Variants in RYR3 observed in about 807,000 individuals in gnomAD.
RYR3 encodes brain ryanodine receptor-calcium release channel.
Under a neutral mutation model 584.3 loss-of-function variants are expected in RYR3, and 207 were observed. That is an observed-to-expected ratio of 0.35 (90% CI 0.32 to 0.40). The LOEUF (loss-of-function observed/expected upper bound fraction) is 0.40. Ranked by LOEUF, RYR3 falls within the 10% of genes least tolerant of loss-of-function variation. RYR3 has a pLI of 1.00. For missense variants in RYR3, 5,616 were observed against 6,089.2 expected (o/e 0.92, Z 2.59); for synonymous variants, 2,416 against 2,248.5 (o/e 1.07, Z -2.11).
chr15:33,626,257 G>A (rs1258262200), intron 20 of RYR3, among the ~76,000 whole-genome samples: 4 of 152,212 alleles, frequency 2.6e-5, no homozygotes, highest in Non-Finnish European at 4.4e-5. Flanking sequence ...TAGACAATAA[G>A]GTCCAGTCTG....
chr15:33,626,399 A>C (rs950524792), intron 20 of RYR3, among the ~76,000 whole-genome samples: 8 of 152,196 alleles, frequency 5.3e-5, no homozygotes, highest in Non-Finnish European at 1.2e-4. Flanking sequence ...TGGGGGAAGA[A>C]ATTTCTAAGC....
chr15:33,463,908 A>G (rs2676096), intron 1 of RYR3, among the ~76,000 whole-genome samples: 1 of 151,956 alleles, frequency 6.6e-6, no homozygotes, highest in East Asian at 1.9e-4. Context: ...ACAATTCCAG[A>G]TGAGACCAAA....
At chr15:33,636,626 C>T (rs186996307) in intron 27 of RYR3, 76 bp downstream of exon 27, 1 of 1,299,966 alleles carries the variant, frequency 7.7e-7, no homozygotes, top group African/African-American at 1.5e-5. Flanking sequence ...GCGACCTGCT[C>T]TACTTCCTTA....
At chr15:33,621,918 A>G (rs2060744943) in intron 19 of RYR3, among the ~76,000 whole-genome samples, 1 of 152,206 alleles carries the variant, frequency 6.6e-6, no homozygotes, top group African/African-American at 2.4e-5. Flanking sequence ...CCCACTGGAA[A>G]GTATCCTGTT....
At chr15:33,354,405 T>C (rs1329625087) in intron 1 of RYR3, among the ~76,000 whole-genome samples, 3 of 152,228 alleles carry the variant, frequency 2.0e-5, no homozygotes, top group African/African-American at 7.2e-5. Flanking sequence ...CACACACAAG[T>C]GCAAACATTT....
chr15:33,639,568 C>T (rs756515707), intron 27 of RYR3, among the ~76,000 whole-genome samples: 20 of 152,144 alleles, frequency 1.3e-4, no homozygotes, highest in African/African-American at 3.4e-4. Context: ...CCCCCCACCC[C>T]GTAAAGCAAA....
Position 33,780,222 on chromosome 15 carries a change from C to A in RYR3, c.9149C>A (p.Ala3050Asp). The change falls in exon 65 of 104, where the codon GCC becomes GAC. Residue 3050 changes from alanine to aspartate, a missense_variant. Coordinates refer to ENST00000634891, the MANE Select transcript of RYR3 (RefSeq NM_001036.6). ...KNIYVERQRPALGECLASLAA... is the reference protein window; with the variant it reads ...KNIYVERQRPDLGECLASLAA... ...TTCTTTGTTTCCAGGCAACGCCCTG[C>A]CCTTGGAGAATGTCTGGCCTCGCTG... 2 of 1,613,800 alleles carry A rather than the reference C, an allele frequency of 1.2e-6. No homozygotes were observed. Among genetic ancestry groups the A allele is most frequent in the Non-Finnish European group, 1.7e-6 (2 of 1,179,750 alleles).
Position 33,372,224 on chromosome 15 carries a change from C to T in RYR3, c.51+61128C>T, listed in dbSNP as rs373097372. The stretch of plus-strand genomic sequence containing the variant: ...GAAAGCATTTTGAGACAGGGCCTTG[C>T]TCTGTTGCCCAGGCTGGAGTGCAAT... On this transcript the variant is annotated intron_variant, in intron 1 of 103. Transcript: ENST00000634891. 3.9e-4 allele frequency among the ~76,000 whole-genome samples: 59 copies of T among 152,264 alleles called. 3 individuals are homozygous for T. In the East Asian group the frequency reaches 7.1e-3, roughly 18 times the overall value.
At chr15:33,723,128 T>A (rs2068074631) in intron 44 of RYR3, among the ~76,000 whole-genome samples, 1 of 152,220 alleles carries the variant, frequency 6.6e-6, no homozygotes, top group African/African-American at 2.4e-5. Flanking sequence ...CAGCTGGAAA[T>A]CACAAAGTGG....
chr15:33,796,240 T>C (rs1328405916), intron 67 of RYR3, among the ~76,000 whole-genome samples: 1 of 152,176 alleles, frequency 6.6e-6, no homozygotes, highest in East Asian at 1.9e-4. Context: ...GTTCAAGTGA[T>C]TCTCCTGCCT....
chr15:33,495,924 T>A lies in RYR3; in HGVS notation c.172-7707T>A, dbSNP rs182495377. On this transcript the variant is annotated intron_variant, in intron 2 of 103. Coordinates refer to ENST00000634891, the MANE Select transcript of RYR3 (RefSeq NM_001036.6). ...TTATCGATAATTGATTGGAAGTCTG[T>A]AAGTGAGCTCAGGTTTGCTGTAGGT... Among the ~76,000 whole-genome samples the A allele has an allele frequency of 2.0e-5, 3 of 152,318 alleles. No homozygotes were observed. In the East Asian group the frequency reaches 5.8e-4, roughly 29 times the overall value.
At chr15:33,794,220 T>A (rs1230629244) in intron 67 of RYR3, among the ~76,000 whole-genome samples, 2 of 68,622 alleles carry the variant, frequency 2.9e-5, no homozygotes, top group African/African-American at 8.5e-5. Flanking sequence ...ACATTATATA[T>A]AAATATATAT....
intron 67 of RYR3, among the ~76,000 whole-genome samples, chr15:33,799,470 GA>G (rs1399269444): frequency 1.3e-5 from 2 of 152,188 alleles, no homozygotes; most frequent in Admixed American, 6.5e-5. Flanking sequence ...GGGGTTTGGA[GA>G]CGTCCATGTT....
At chr15:33,823,124 T>C in intron 81 of RYR3, 52 bp downstream of exon 81, 1 of 1,510,174 alleles carries the variant, frequency 6.6e-7, no homozygotes, top group Non-Finnish European at 9.1e-7. Flanking sequence ...CCTCTAAGCA[T>C]AGGAGGCAGG....
intron 42 of RYR3, among the ~76,000 whole-genome samples, chr15:33,702,219 G>A (rs1363237358): frequency 6.6e-6 from 1 of 152,148 alleles, no homozygotes; most frequent in Non-Finnish European, 1.5e-5. Flanking sequence ...TTTATTACAG[G>A]AGGTCACCGT....
rs116611410 is a variant in RYR3, at chr15:33,647,317, G to A, written c.3942-107G>A. 783 of 847,468 alleles carry A rather than the reference G, an allele frequency of 9.2e-4. No individual in the cohort carries two copies. In the African/African-American group the frequency reaches 9.7e-3, roughly 11 times the overall value. The allele number at this position is 847,468 out of a possible 1,614,324, so 52.5% of individuals were successfully genotyped here. A position where few individuals can be genotyped will look rare whatever the true frequency, so the allele number is the denominator to read the frequency against. ...ATCACTTGTGTTTAGGGAGTAGCCA[G>A]TTTCCTAAACTTGACTTGATCATTG... On this transcript the variant is annotated intron_variant, in intron 29 of 103. Coordinates refer to ENST00000634891, the MANE Select transcript of RYR3 (RefSeq NM_001036.6).
At chr15:33,642,330 G>C (rs568441260) in intron 27 of RYR3, among the ~76,000 whole-genome samples, 31 of 152,298 alleles carry the variant, frequency 2.0e-4, no homozygotes, top group African/African-American at 7.2e-4. Context: ...GTCCTACTCT[G>C]TGCTCACATC....
Position 33,330,495 on chromosome 15 carries a change from C to T in RYR3, c.51+19399C>T, listed in dbSNP as rs369120528. Among the ~76,000 whole-genome samples the T allele has an allele frequency of 1.4e-4, 21 of 152,266 alleles. 1 individual carries two copies. The East Asian group carries it at 2.7e-3, about 20-fold the overall frequency. Reference sequence around the variant, plus strand: ...GGCTGGTTAACCCAGGAGGCTCTCTCTCCTGTGCTCTAACCCTCCCTACTC... The same window carrying T: ...GGCTGGTTAACCCAGGAGGCTCTCTTTCCTGTGCTCTAACCCTCCCTACTC... On this transcript the variant is annotated intron_variant, in intron 1 of 103. Transcript: ENST00000634891.
At chr15:33,848,694 T>A (rs1446799021) in intron 94 of RYR3, among the ~76,000 whole-genome samples, 1 of 152,198 alleles carries the variant, frequency 6.6e-6, no homozygotes, top group Non-Finnish European at 1.5e-5. Flanking sequence ...TAAACTAGTT[T>A]TCCATGTTCG....
Sources: gnomAD v4.1 joint callset for allele counts (sites outside exome capture counted in the v4.1 genomes callset) on GRCh38, gnomAD v4.1.1 for gene constraint, MANE v1.5 for transcripts, NCBI Gene and HGNC (gene_info 2026-07-23, HGNC 2026-07-21) for gene names.